Variants in MLLT3 observed in about 807,000 individuals in gnomAD.
MLLT3 encodes the protein MLLT3 super elongation complex subunit.
In MLLT3, 4 loss-of-function variants were observed where a neutral mutation model predicts 53.2. The observed-to-expected ratio is 0.08, with a 90% confidence interval of 0.04 to 0.17. The LOEUF (loss-of-function observed/expected upper bound fraction) is 0.17, where lower values mean the gene tolerates loss of function less well. MLLT3 is among the 10% of genes least tolerant of loss of function. MLLT3 has a pLI of 1.00. For missense variants in MLLT3, 569 were observed against 684.0 expected, an observed-to-expected ratio of 0.83 and a Z score of 1.87; for synonymous variants, 283 against 230.6, an observed-to-expected ratio of 1.23 and a Z score of -2.06.
chr9:20,394,771 A>C (rs1314709123), intron 5 of MLLT3, among the ~76,000 whole-genome samples: 1 of 152,190 alleles, frequency 6.6e-6, no homozygotes, highest in Non-Finnish European at 1.5e-5. Context: ...AATAAGGAAT[A>C]AAATGCTGGA....
At position 20,346,421 on chromosome 9, in the gene MLLT3, G is replaced by C. The variant is rs1364868277; in HGVS notation, c.*22C>G. The C allele has an allele frequency of 2.2e-6, 3 of 1,383,680 alleles. No homozygotes were observed. Among genetic ancestry groups the C allele is most frequent in the East Asian group, 2.5e-5 (1 of 40,400 alleles). 85.7% of individuals were successfully genotyped at this position (1,383,680 alleles called of 1,614,324 possible). ...AAAAAAAAAAAACACAATAGTTCTT[G>C]ATGCATCCAGTTGTTATATCCTCAG... On this transcript the variant is annotated 3_prime_UTR_variant, in exon 11 of 11. Transcript: ENST00000380338.
chr9:20,418,891 A>AC (rs1822941884), intron 4 of MLLT3, among the ~76,000 whole-genome samples: 1 of 152,204 alleles, frequency 6.6e-6, no homozygotes, highest in African/African-American at 2.4e-5. Context: ...TAAGGAGATC[A>AC]GAAGGAAGGC....
intron 2 of MLLT3, among the ~76,000 whole-genome samples, chr9:20,615,868 A>C (rs1820819958): frequency 1.7e-5 from 2 of 115,758 alleles, no homozygotes; most frequent in African/African-American, 6.3e-5. Flanking sequence ...TAAAACAAAG[A>C]GATTTGAAAA....
chr9:20,389,134 C>T (rs1183938411), intron 5 of MLLT3, among the ~76,000 whole-genome samples: 1 of 152,164 alleles, frequency 6.6e-6, no homozygotes, highest in East Asian at 1.9e-4. Flanking sequence ...AGCCAATGAA[C>T]AGAAAGGCAA....
At chr9:20,512,663 A>G (rs1817784556) in intron 2 of MLLT3, among the ~76,000 whole-genome samples, 1 of 152,190 alleles carries the variant, frequency 6.6e-6, no homozygotes, top group Non-Finnish European at 1.5e-5. Context: ...AGCAAAGTTC[A>G]TTTATTGTTT....
intron 2 of MLLT3, among the ~76,000 whole-genome samples, chr9:20,565,942 A>ATT (rs1392217803): frequency 6.9e-3 from 86 of 12,406 alleles, no homozygotes; most frequent in African/African-American, 0.013. Context: ...ATATATTTAT[A>ATT]TATATATATA....
chr9:20,539,698 G>A (rs932526285), intron 2 of MLLT3, among the ~76,000 whole-genome samples: 1 of 152,094 alleles, frequency 6.6e-6, no homozygotes, highest in Non-Finnish European at 1.5e-5. Flanking sequence ...TTTGGGTGGG[G>A]ACACATAGCC....
At chr9:20,349,229 C>T (rs1308084067) in intron 10 of MLLT3, among the ~76,000 whole-genome samples, 1 of 152,144 alleles carries the variant, frequency 6.6e-6, no homozygotes, top group Non-Finnish European at 1.5e-5. Flanking sequence ...GCCTCAGTTT[C>T]CTCATCTGGA....
intron 2 of MLLT3, among the ~76,000 whole-genome samples, chr9:20,518,581 G>A (rs1817975270): frequency 1.3e-5 from 2 of 152,058 alleles, no homozygotes; most frequent in South Asian, 4.1e-4. Context: ...TAATCATAAA[G>A]ATAAAATAAA....
At chr9:20,473,963 G>A (rs531902733) in intron 2 of MLLT3, among the ~76,000 whole-genome samples, 49 of 152,190 alleles carry the variant, frequency 3.2e-4, no homozygotes, top group Non-Finnish European at 6.3e-4. Context: ...CAGAGTTGAT[G>A]CCCAATAGAA....
chr9:20,561,865 C>T (rs1052761136), intron 2 of MLLT3, among the ~76,000 whole-genome samples: 1 of 151,838 alleles, frequency 6.6e-6, no homozygotes, highest in Non-Finnish European at 1.5e-5. Flanking sequence ...TTGTCCTACT[C>T]GCTGCGTATC....
intron 2 of MLLT3, among the ~76,000 whole-genome samples, chr9:20,483,797 T>C (rs1309775770): frequency 7.5e-6 from 1 of 133,714 alleles, no homozygotes; most frequent in Non-Finnish European, 1.5e-5. Flanking sequence ...AAGGTCCGCC[T>C]CCCGAGTTCA....
At chr9:20,386,969 C>T (rs529957945) in intron 5 of MLLT3, among the ~76,000 whole-genome samples, 14 of 152,228 alleles carry the variant, frequency 9.2e-5, no homozygotes, top group South Asian at 2.1e-4. Context: ...TTCTACTATT[C>T]TACTTTTTGC....
Position 20,443,647 on chromosome 9 carries a change from T to C in MLLT3, c.420+4476A>G, listed in dbSNP as rs539471011. Among the ~76,000 whole-genome samples, 11 of 152,324 alleles carry C rather than the reference T, an allele frequency of 7.2e-5. No individual in the cohort carries two copies. The South Asian group carries it at 8.3e-4, about 11-fold the overall frequency. On this transcript the variant is annotated intron_variant, in intron 4 of 10. Transcript: ENST00000380338. ...AAACATGTTTTCCTGTGAATAAATATTGAGTAGCTTACACTGAATAGCAAA... is the reference window on the plus strand; with the variant it reads ...AAACATGTTTTCCTGTGAATAAATACTGAGTAGCTTACACTGAATAGCAAA...
intron 2 of MLLT3, among the ~76,000 whole-genome samples, chr9:20,548,682 G>A (rs1818850427): frequency 6.6e-6 from 1 of 152,084 alleles, no homozygotes; most frequent in Admixed American, 6.6e-5. Context: ...GCGGGCTCTG[G>A]GCAGCAGGCT....
chr9:20,589,587 T>TA (rs10609995), intron 2 of MLLT3, among the ~76,000 whole-genome samples: 9 of 149,718 alleles, frequency 6.0e-5, no homozygotes, highest in South Asian at 2.1e-4. Flanking sequence ...AGTATAATAA[T>TA]AAAAAAAAAA....
intron 5 of MLLT3, among the ~76,000 whole-genome samples, chr9:20,390,671 A>G (rs1822157367): frequency 6.6e-6 from 1 of 152,244 alleles, no homozygotes; most frequent in Non-Finnish European, 1.5e-5. Flanking sequence ...AACACTCTTC[A>G]AATATGAAAA....
chr9:20,410,854 A>T (rs557843864), intron 5 of MLLT3, among the ~76,000 whole-genome samples: 1 of 152,230 alleles, frequency 6.6e-6, no homozygotes, highest in Non-Finnish European at 1.5e-5. Context: ...TACTAGACAA[A>T]TAATCATTTT....
Position 20,348,755 on chromosome 9 carries a change from A to T in MLLT3, c.1576-2181T>A, listed in dbSNP as rs1257917589. Reference sequence around the variant, plus strand: ...CCAACAAGATCTTATTAACACTAAAAGATCTAAAATGGACACACATTTGTT... The same window carrying T: ...CCAACAAGATCTTATTAACACTAAATGATCTAAAATGGACACACATTTGTT... On this transcript the variant is annotated intron_variant, in intron 10 of 10. Coordinates refer to ENST00000380338, the MANE Select transcript of MLLT3 (RefSeq NM_004529.4). Among the ~76,000 whole-genome samples, 3 of 152,238 alleles carry T rather than the reference A, an allele frequency of 2.0e-5. No individual in the cohort carries two copies. The East Asian group carries it at 5.8e-4, about 29-fold the overall frequency.
Sources: allele counts gnomAD v4.1 joint callset (sites outside exome capture counted in the v4.1 genomes callset), GRCh38; gene constraint gnomAD v4.1.1; transcripts MANE v1.5; gene names NCBI Gene and HGNC (gene_info 2026-07-23, HGNC 2026-07-21).